HECW1: variants seen among roughly 807,000 people sequenced by gnomAD.
HECW1 encodes E3 ubiquitin-protein ligase HECW1.
HECW1 carries 61 observed loss-of-function variants against 182.3 expected under a neutral mutation model. The observed-to-expected ratio is 0.33, with a 90% CI of 0.27 to 0.41. The LOEUF is 0.41. Among genes scored for constraint, HECW1 ranks in the 10% least tolerant of loss-of-function variants. The pLI is 1.00. For missense variants in HECW1, 1,739 were observed against 2,108.9 expected, an observed-to-expected ratio of 0.82 and a Z score of 3.44; for synonymous variants, 859 against 832.6, an observed-to-expected ratio of 1.03 and a Z score of -0.55.
intron 26 of HECW1, among the ~76,000 whole-genome samples, chr7:43,546,348 G>A (rs1430276167): frequency 6.8e-6 from 1 of 146,654 alleles, no homozygotes; most frequent in African/African-American, 2.5e-5. Flanking sequence ...GAAATTTATT[G>A]TTTGGGGCTT....
chr7:43,380,486 G>A (rs750373056), intron 6 of HECW1, among the ~76,000 whole-genome samples: 1 of 152,082 alleles, frequency 6.6e-6, no homozygotes, highest in Non-Finnish European at 1.5e-5. Context: ...TGGGTTTAGT[G>A]TTGCTGCTAT....
At chr7:43,128,002 C>A (rs947163858) in intron 2 of HECW1, among the ~76,000 whole-genome samples, 3 of 152,022 alleles carry the variant, frequency 2.0e-5, no homozygotes, top group African/African-American at 7.3e-5. Context: ...CTTCAGCTTC[C>A]TGAGTAGCAG....
intron 17 of HECW1, among the ~76,000 whole-genome samples, chr7:43,488,480 G>GAA (rs796672471): frequency 6.8e-6 from 1 of 147,670 alleles, no homozygotes; most frequent in African/African-American, 2.6e-5. Flanking sequence ...AAGAAAGAAA[G>GAA]AAAGAAAGAG....
intron 2 of HECW1, among the ~76,000 whole-genome samples, chr7:43,137,876 T>G (rs537588002): frequency 2.0e-5 from 3 of 152,210 alleles, no homozygotes; most frequent in Admixed American, 6.5e-5. Context: ...ATCACCTGTT[T>G]AGATCTTACT....
chr7:43,142,163 G>A (rs948811784), intron 2 of HECW1, among the ~76,000 whole-genome samples: 1 of 152,102 alleles, frequency 6.6e-6, no homozygotes, highest in Non-Finnish European at 1.5e-5. Context: ...TGTTGTGAAC[G>A]CCTGGCCTGG....
chr7:43,541,299 G>C (rs1585241806), intron 25 of HECW1, 38 bp downstream of exon 25: 2 of 1,514,448 alleles, frequency 1.3e-6, no homozygotes, highest in Non-Finnish European at 1.8e-6. Context: ...ACCCAGCCCT[G>C]TCTGCAGGGC....
intron 5 of HECW1, among the ~76,000 whole-genome samples, chr7:43,344,027 G>C (rs1167053087): frequency 6.6e-6 from 1 of 151,864 alleles, no homozygotes; most frequent in South Asian, 2.1e-4. Context: ...GCATTTCTTC[G>C]TGTGTCTGTT....
chr7:43,230,799 A>G (rs1427239433), intron 2 of HECW1, among the ~76,000 whole-genome samples: 1 of 152,238 alleles, frequency 6.6e-6, no homozygotes, highest in Non-Finnish European at 1.5e-5. Context: ...AAATGTGAAC[A>G]TTTGGAGAAT....
intron 12 of HECW1, among the ~76,000 whole-genome samples, chr7:43,452,464 C>G (rs1265413177): frequency 2.0e-5 from 3 of 152,136 alleles, no homozygotes; most frequent in African/African-American, 7.2e-5. Context: ...AGTGAAAGAC[C>G]TTAGAAAAAT....
chr7:43,369,420 T>G (rs1371737519), intron 6 of HECW1, among the ~76,000 whole-genome samples: 3 of 152,058 alleles, frequency 2.0e-5, no homozygotes, highest in Non-Finnish European at 4.4e-5. Flanking sequence ...ATCACGCCAT[T>G]GCACTCCAGC....
At chr7:43,382,335 G>A (rs1314370335) in intron 6 of HECW1, among the ~76,000 whole-genome samples, 2 of 152,110 alleles carry the variant, frequency 1.3e-5, no homozygotes, top group African/African-American at 4.8e-5. Flanking sequence ...ACTGTGGAAA[G>A]TGTGTCTGAG....
chr7:43,222,234 C>A (rs988723166), intron 2 of HECW1, among the ~76,000 whole-genome samples: 2 of 152,150 alleles, frequency 1.3e-5, no homozygotes, highest in African/African-American at 2.4e-5. Context: ...AAGGAAATAG[C>A]CTGGATCCAT....
intron 26 of HECW1, among the ~76,000 whole-genome samples, chr7:43,550,111 A>AAAAAG (rs1554468409): frequency 6.6e-6 from 1 of 151,586 alleles, no homozygotes; most frequent in Admixed American, 6.6e-5. Context: ...TACCAAAAAA[A>AAAAAG]AAGAAGAAGA....
At chr7:43,390,858 G>C (rs1161097735) in intron 6 of HECW1, among the ~76,000 whole-genome samples, 1 of 152,134 alleles carries the variant, frequency 6.6e-6, no homozygotes, top group Non-Finnish European at 1.5e-5. Context: ...CTTATACAAT[G>C]GCTGGAATGT....
intron 28 of HECW1, among the ~76,000 whole-genome samples, chr7:43,554,121 T>C (rs111366637): frequency 3.3e-5 from 5 of 152,368 alleles, no homozygotes; most frequent in African/African-American, 1.2e-4. Flanking sequence ...GATCTCCTGT[T>C]CACGAAACTG....
At chr7:43,229,405 A>G (rs1341766658) in intron 2 of HECW1, among the ~76,000 whole-genome samples, 1 of 152,080 alleles carries the variant, frequency 6.6e-6, no homozygotes, top group African/African-American at 2.4e-5. Flanking sequence ...GTTCTCACTT[A>G]TAAGTGGGAG....
intron 2 of HECW1, among the ~76,000 whole-genome samples, chr7:43,232,507 A>G (rs1797973448): frequency 6.6e-6 from 1 of 152,186 alleles, no homozygotes; most frequent in South Asian, 2.1e-4. Flanking sequence ...TCTCACTCAC[A>G]TCACATTTGG....
chr7:43,166,683 G>T (rs1041727309), intron 2 of HECW1, among the ~76,000 whole-genome samples: 7 of 152,204 alleles, frequency 4.6e-5, no homozygotes, highest in African/African-American at 1.2e-4. Flanking sequence ...TTCATAACTT[G>T]AGAGGAAGTA....
Position 43,407,677 on chromosome 7 carries a change from G to A in HECW1, c.747G>A (p.Gln249=), listed in dbSNP as rs2152845059. ...SIFPALPHHG[Q]ERRSKIIGNT... ...TCCCCGCCCTCCCTCACCATGGACA[G>A]GAGAGGAGATCCAAGATCATAGGCA... Residue 249 remains glutamine (Q), a synonymous_variant, in exon 8 of 30, where the codon CAG becomes CAA. Coordinates refer to ENST00000395891, the MANE Select transcript of HECW1 (RefSeq NM_015052.5). 1.9e-6 allele frequency: 3 copies of A among 1,614,052 alleles called. No homozygotes were observed. The highest frequency in any genetic ancestry group is 2.2e-5 in the East Asian group (1 of 44,884).
Sources: allele counts gnomAD v4.1 joint callset (sites outside exome capture counted in the v4.1 genomes callset), GRCh38; gene constraint gnomAD v4.1.1; transcripts MANE v1.5; gene names NCBI Gene and HGNC (gene_info 2026-07-23, HGNC 2026-07-21).